Variants in SBF2 observed in about 807,000 individuals in gnomAD.
SBF2 encodes the protein SET binding factor 2, also known as myotubularin-related protein 13.
A neutral mutation model predicts 225.2 loss-of-function variants in SBF2; 112 were observed. The observed-to-expected ratio is 0.50, with a 90% CI of 0.43 to 0.58. The LOEUF (loss-of-function observed/expected upper bound fraction) is 0.58, where lower values mean the gene tolerates loss of function less well. Among genes scored for constraint, SBF2 ranks in the 20% least tolerant of loss-of-function variants. SBF2 has a pLI of 0.00. For synonymous variants in SBF2, 763 were observed against 773.3 expected, an observed-to-expected ratio of 0.99 and a Z score of 0.22; for missense variants, 1,996 against 2,206.2, an observed-to-expected ratio of 0.90 and a Z score of 1.91.
rs541346465 is a variant in SBF2, at chr11:9,917,516, G to C, written c.1861-21505C>G. On this transcript the variant is annotated intron_variant, in intron 16 of 39. Coordinates refer to ENST00000256190, the MANE Select transcript of SBF2 (RefSeq NM_030962.4). ...CCAGCTAATTTTTATATTTTTACCA[G>C]AGATGGGGTTTCACCATGTTGCCCA... is the stretch of plus-strand genomic sequence containing the variant. 2.2e-4 allele frequency among the ~76,000 whole-genome samples: 33 copies of C among 151,494 alleles called. 2 individuals carry two copies. The highest frequency in any genetic ancestry group is 1.4e-3 in the Admixed American group (21 of 15,226).
intron 2 of SBF2, among the ~76,000 whole-genome samples, chr11:10,104,880 C>T (rs1007642568): frequency 6.6e-6 from 1 of 152,204 alleles, no homozygotes; most frequent in South Asian, 2.1e-4. Context: ...TCATCTTTGA[C>T]TATATTATTT....
intron 1 of SBF2, among the ~76,000 whole-genome samples, chr11:10,227,097 G>A (rs1958600199): frequency 6.6e-6 from 1 of 152,086 alleles, no homozygotes; most frequent in African/African-American, 2.4e-5. Context: ...ATTTTTTCAT[G>A]TGTTTTTTGG....
chr11:9,839,823 G>T, intron 25 of SBF2, 127 bp from the exon 26 acceptor site: 3 of 1,120,608 alleles, frequency 2.7e-6, no homozygotes, highest in Admixed American at 3.5e-5. Context: ...TCAAAGAAAT[G>T]ATTAGCTCAA....
At chr11:10,069,725 GAATCACC>G (rs1341459405) in intron 2 of SBF2, among the ~76,000 whole-genome samples, 3 of 152,274 alleles carry the variant, frequency 2.0e-5, no homozygotes, top group Admixed American at 2.0e-4. Flanking sequence ...GATCCTTGAG[GAATCACC>G]AAACTGTCTT....
At chr11:9,859,498 C>T (rs146965862) in intron 17 of SBF2, among the ~76,000 whole-genome samples, 139 of 152,260 alleles carry the variant, frequency 9.1e-4, no homozygotes, top group African/African-American at 3.1e-3. Context: ...AGAGTAGGTA[C>T]CATTTTCAAT....
chr11:10,255,525 C>T (rs781169287), intron 1 of SBF2, among the ~76,000 whole-genome samples: 14 of 152,174 alleles, frequency 9.2e-5, no homozygotes, highest in Non-Finnish European at 1.8e-4. Flanking sequence ...TGTGAAGATA[C>T]ATTATCCTCC....
intron 28 of SBF2, among the ~76,000 whole-genome samples, chr11:9,822,461 T>C (rs1409116011): frequency 2.0e-5 from 3 of 152,046 alleles, no homozygotes; most frequent in South Asian, 2.1e-4. Context: ...AGGGTTTCAC[T>C]GTGTTAGCCA....
chr11:9,783,275 T>TATC (rs1852154834), intron 38 of SBF2, among the ~76,000 whole-genome samples: 1 of 152,250 alleles, frequency 6.6e-6, no homozygotes, highest in Non-Finnish European at 1.5e-5. Context: ...ATAAATTATC[T>TATC]ATCTATATTG....
At chr11:10,193,739 G>A (rs932877281) in intron 2 of SBF2, among the ~76,000 whole-genome samples, 163 bp downstream of exon 2, 3 of 152,124 alleles carry the variant, frequency 2.0e-5, no homozygotes, top group South Asian at 2.1e-4. Context: ...AAAGATGACC[G>A]TACTTGAGGG....
intron 6 of SBF2, among the ~76,000 whole-genome samples, chr11:10,018,263 A>G (rs757349688): frequency 6.6e-6 from 1 of 152,180 alleles, no homozygotes; most frequent in Non-Finnish European, 1.5e-5. Flanking sequence ...ATATAAAGAA[A>G]TATGAGACAG....
rs549056047 is a variant in SBF2, at chr11:9,945,592, C to A, written c.1860+16365G>T. 9.2e-5 allele frequency among the ~76,000 whole-genome samples: 14 copies of A among 152,126 alleles called. 1 individual carries two copies. The highest frequency in any genetic ancestry group is 3.4e-4 in the African/African-American group (14 of 41,498). On this transcript the variant is annotated intron_variant, in intron 16 of 39. Coordinates refer to ENST00000256190, the MANE Select transcript of SBF2 (RefSeq NM_030962.4). ...CAGGTGCAACAAAATAAAAAATAGA[C>A]AAGTGGGATCTAAATAAACAGCTTT...
chr11:9,918,362 C>CT (rs796631546), intron 16 of SBF2, among the ~76,000 whole-genome samples: 4 of 151,516 alleles, frequency 2.6e-5, no homozygotes, highest in South Asian at 2.1e-4. Flanking sequence ...CTTTTTATTT[C>CT]TTTTTTTTGA....
chr11:10,280,560 A>T (rs1251437976), intron 1 of SBF2, among the ~76,000 whole-genome samples: 1 of 152,260 alleles, frequency 6.6e-6, no homozygotes, highest in Non-Finnish European at 1.5e-5. Flanking sequence ...TTTTACCCTG[A>T]AGAATAGGCA....
intron 16 of SBF2, among the ~76,000 whole-genome samples, chr11:9,916,342 A>C (rs1411145114): frequency 6.6e-6 from 1 of 152,232 alleles, no homozygotes; most frequent in Non-Finnish European, 1.5e-5. Flanking sequence ...GAAAAATTTT[A>C]AATTTTAAGA....
intron 2 of SBF2, among the ~76,000 whole-genome samples, chr11:10,075,236 C>T (rs888941631): frequency 1.3e-5 from 2 of 152,172 alleles, no homozygotes; most frequent in African/African-American, 4.8e-5. Context: ...TTTCCTTGAA[C>T]ACAAAATACA....
intron 2 of SBF2, among the ~76,000 whole-genome samples, chr11:10,155,656 T>C (rs1955440014): frequency 6.6e-6 from 1 of 152,182 alleles, no homozygotes; most frequent in African/African-American, 2.4e-5. Context: ...ATAATGTTTG[T>C]ATTTCTGACA....
chr11:9,865,951 T>C (rs1040636416), intron 17 of SBF2, among the ~76,000 whole-genome samples: 1 of 152,132 alleles, frequency 6.6e-6, no homozygotes, highest in Non-Finnish European at 1.5e-5. Flanking sequence ...CTGTTTGCTA[T>C]TATAAACACT....
rs1438338159 is a variant in SBF2, at chr11:10,240,262, A to AC, written c.56-46276_56-46275insG. 6.8e-5 allele frequency among the ~76,000 whole-genome samples: 10 copies of AC among 147,612 alleles called. No individual in the cohort carries two copies. The East Asian group carries it at 1.3e-3, about 19-fold the overall frequency. On this transcript the variant is annotated intron_variant, in intron 1 of 39. Transcript: ENST00000256190. ...GATATGCATACAATTAAAAGAACAA[A>AC]AAAAAAAAAAAAACAGGATAACCTG...
chr11:10,241,701 T>C (rs1350563173), intron 1 of SBF2, among the ~76,000 whole-genome samples: 1 of 152,018 alleles, frequency 6.6e-6, no homozygotes, highest in Non-Finnish European at 1.5e-5. Context: ...AGAAAACAAC[T>C]TTTCGAAACT....
Sources: gnomAD v4.1 joint callset for allele counts (sites outside exome capture counted in the v4.1 genomes callset) on GRCh38, gnomAD v4.1.1 for gene constraint, MANE v1.5 for transcripts, NCBI Gene and HGNC (gene_info 2026-07-23, HGNC 2026-07-21) for gene names.